ANK2: variants seen among roughly 807,000 people sequenced by gnomAD.
ANK2 encodes the protein ankyrin-2.
ANK2 carries 83 observed loss-of-function variants against 360.5 expected under a neutral mutation model. That is an observed-to-expected ratio of 0.23 (90% CI 0.19 to 0.28). The LOEUF is 0.28. Ranked by LOEUF, ANK2 falls within the 10% of genes least tolerant of loss-of-function variation. The pLI is 1.00. For synonymous variants in ANK2, 1,740 were observed against 1,759.5 expected, an observed-to-expected ratio of 0.99 and a Z score of 0.28; for missense variants, 4,201 against 4,795.7, an observed-to-expected ratio of 0.88 and a Z score of 3.66.
intron 1 of ANK2, among the ~76,000 whole-genome samples, chr4:113,112,625 A>G (rs1281704850): frequency 1.3e-5 from 2 of 152,072 alleles, no homozygotes; most frequent in African/African-American, 2.4e-5. Context: ...CTGCAGCTCT[A>G]TCTTCTTTAT....
rs559060566 is a variant in ANK2 at position 113,209,298 on chromosome 4, G to C, written c.384+10189G>C. On this transcript the variant is annotated intron_variant, in intron 4 of 45. Coordinates refer to ENST00000357077, the MANE Select transcript of ANK2 (RefSeq NM_001148.6). Reference sequence around the variant, plus strand: ...AAATAGATGGTGAATGTTTCTTTCAGACCTTTGAAGATGTCAGACTCTCAG... The same window carrying C: ...AAATAGATGGTGAATGTTTCTTTCACACCTTTGAAGATGTCAGACTCTCAG... Among the ~76,000 whole-genome samples, 51 of 151,922 alleles carry C rather than the reference G, an allele frequency of 3.4e-4. 1 individual carries two copies. The highest frequency in any genetic ancestry group is 1.1e-3 in the African/African-American group (47 of 41,286).
At chr4:113,256,857 A>T (rs1206587898) in intron 11 of ANK2, among the ~76,000 whole-genome samples, 1 of 152,250 alleles carries the variant, frequency 6.6e-6, no homozygotes, top group Non-Finnish European at 1.5e-5. Flanking sequence ...TCCAGATTAT[A>T]TGTAATTATG....
chr4:113,166,092 T>G (rs1002197373), intron 1 of ANK2, among the ~76,000 whole-genome samples: 1 of 152,150 alleles, frequency 6.6e-6, no homozygotes. Context: ...GTACAAGTAA[T>G]CAAAACCTAT....
intron 1 of ANK2, among the ~76,000 whole-genome samples, chr4:113,054,341 A>ACG (rs2068549854): frequency 6.6e-6 from 1 of 151,878 alleles, no homozygotes; most frequent in Non-Finnish European, 1.5e-5. Context: ...ACACACACAC[A>ACG]TATTTAATGG....
chr4:113,047,679 TAA>T (rs10552109), upstream of ANK2, among the ~76,000 whole-genome samples: 125,000 of 151,550 alleles, frequency 0.82, 51,558 homozygotes, highest in Admixed American at 0.87. Context: ...GGTTTTGTTT[TAA>T]AAAAAAAGAG....
At chr4:113,065,652 A>G (rs979829872) in intron 1 of ANK2, among the ~76,000 whole-genome samples, 1 of 152,146 alleles carries the variant, frequency 6.6e-6, no homozygotes, top group African/African-American at 2.4e-5. Context: ...CAAAACTAGC[A>G]ATGGGAGAGA....
intron 34 of ANK2, among the ~76,000 whole-genome samples, chr4:113,343,954 G>A (rs1287681202): frequency 2.0e-5 from 3 of 151,942 alleles, no homozygotes; most frequent in African/African-American, 7.3e-5. Flanking sequence ...CATCAGCAAT[G>A]ACTCTTTTTA....
chr4:112,912,914 A>G (rs1211856510), intron 2 of ANK2, among the ~76,000 whole-genome samples: 2 of 152,112 alleles, frequency 1.3e-5, no homozygotes, highest in Non-Finnish European at 2.9e-5. Flanking sequence ...ACATCTAGGA[A>G]GACATGATGT....
intron 1 of ANK2, among the ~76,000 whole-genome samples, chr4:113,085,752 C>T (rs1404713370): frequency 6.6e-6 from 1 of 152,146 alleles, no homozygotes; most frequent in Non-Finnish European, 1.5e-5. Context: ...TGGCTGGGAA[C>T]ACATGCCAGC....
chr4:113,151,250 G>T (rs894918915), intron 1 of ANK2: 1 of 744,036 alleles, frequency 1.3e-6, no homozygotes, highest in South Asian at 1.8e-5. Flanking sequence ...ACTTGTTGTC[G>T]TAGTTCATTT....
Position 113,199,003 on chromosome 4 carries a change from C to T in ANK2, c.286-8C>T. Reference sequence around the variant, plus strand: ...TTGAACATTTTCTATTTTGTTTCTCCAAAACAGAAGGGAAATACCGCTCTT... The same window carrying T: ...TTGAACATTTTCTATTTTGTTTCTCTAAAACAGAAGGGAAATACCGCTCTT... On this transcript the variant is annotated splice_region_variant and splice_polypyrimidine_tract_variant and intron_variant, in intron 3 of 45. Coordinates refer to ENST00000357077, the MANE Select transcript of ANK2 (RefSeq NM_001148.6). 2 of 1,608,018 alleles carry T rather than the reference C, an allele frequency of 1.2e-6. No homozygotes were observed. Among genetic ancestry groups the T allele is most frequent in the Non-Finnish European group, 1.7e-6 (2 of 1,174,856 alleles).
chr4:112,811,829 C>T, the ANK2 span, among the ~76,000 whole-genome samples: 1 of 152,192 alleles, frequency 6.6e-6, no homozygotes. Context: ...GTAATCCCAG[C>T]ACTTTGGGAG....
At chr4:113,233,978 G>A (rs191954078) in intron 5 of ANK2, among the ~76,000 whole-genome samples, 15 of 152,300 alleles carry the variant, frequency 9.8e-5, no homozygotes, top group Non-Finnish European at 1.6e-4. Flanking sequence ...CTGCATCTTT[G>A]CATCAGGGCC....
chr4:112,823,892 A>AGT (rs2057780075), intron 1 of ANK2, among the ~76,000 whole-genome samples: 1 of 152,222 alleles, frequency 6.6e-6, no homozygotes, highest in African/African-American at 2.4e-5. Context: ...TTACTGTGCT[A>AGT]GTGACTTAGC....
At chr4:112,814,399 A>C (rs2055495043), upstream of ANK2, among the ~76,000 whole-genome samples, 1 of 151,734 alleles carries the variant, frequency 6.6e-6, no homozygotes, top group Non-Finnish European at 1.5e-5. Context: ...TGAGGAGTTA[A>C]ATGAGATGGA....
At chr4:113,203,183 A>G (rs1295501090) in intron 4 of ANK2, among the ~76,000 whole-genome samples, 1 of 152,234 alleles carries the variant, frequency 6.6e-6, no homozygotes, top group Non-Finnish European at 1.5e-5. Flanking sequence ...ATAATCCTAC[A>G]TACGTGATGT....
chr4:112,733,022 G>A, the ANK2 span, among the ~76,000 whole-genome samples: 7 of 152,218 alleles, frequency 4.6e-5, no homozygotes, highest in African/African-American at 1.4e-4. Context: ...TTCAAGACCA[G>A]CCTGGCCAAG....
In ANK2 at chr4:113,382,910, C is replaced by T. The variant is rs1369125260; in HGVS notation, c.*1439C>T. 6.6e-6 allele frequency: 1 copy of T among 152,528 alleles called. No homozygotes were observed. The highest frequency in any genetic ancestry group is 1.5e-5 in the Non-Finnish European group (1 of 68,032). The allele number at this position is 152,528 out of a possible 1,614,324, so 9.4% of individuals were successfully genotyped here. ...GGAAACTCTTAAGTGCATTTGTGCA[C>T]TTCTGTTTGTTTGTCTCAAAGAAGG... On this transcript the variant is annotated 3_prime_UTR_variant, in exon 46 of 46. Transcript: ENST00000357077.
Position 113,159,679 on chromosome 4 carries a change from G to T in ANK2, c.85-14737G>T, listed in dbSNP as rs148515060. Among the ~76,000 whole-genome samples the T allele has an allele frequency of 1.0e-2, 1,513 of 151,878 alleles. 24 individuals carry two copies. The highest frequency in any genetic ancestry group is 0.034 in the African/African-American group (1,422 of 41,418). ...GCTGGAGTGCAGTGGCACGATCTCG[G>T]CTCACTGTAAACTTTGCCTCCCGGG... On this transcript the variant is annotated intron_variant, in intron 1 of 45. Transcript: ENST00000357077.
Sources: allele counts gnomAD v4.1 joint callset (sites outside exome capture counted in the v4.1 genomes callset), GRCh38; gene constraint gnomAD v4.1.1; transcripts MANE v1.5; gene names NCBI Gene and HGNC (gene_info 2026-07-23, HGNC 2026-07-21).